The following CHAF1A variants were observed in gnomAD, a reference collection of about 807,000 sequenced individuals.
The protein encoded by CHAF1A is CAF-1 subunit A.
Under a neutral mutation model 93.2 loss-of-function variants are expected in CHAF1A, and 5 were observed. The observed-to-expected ratio is 0.05, with a 90% confidence interval of 0.03 to 0.11. The LOEUF is 0.11. Ranked by LOEUF, CHAF1A falls within the 10% of genes least tolerant of loss-of-function variation. The pLI is 1.00. For missense variants in CHAF1A, 1,102 were observed against 1,259.9 expected (o/e 0.87, Z 1.90); for synonymous variants, 504 against 510.3 (o/e 0.99, Z 0.17).
intron 7 of CHAF1A, among the ~76,000 whole-genome samples, chr19:4,424,237 C>T (rs1472528655): frequency 6.6e-6 from 1 of 152,182 alleles, no homozygotes; most frequent in East Asian, 1.9e-4. Context: ...TTTACTTTCC[C>T]TGCCTGGCGT....
chr19:4,402,668 A>C lies in CHAF1A; in HGVS notation c.-95A>C. ...ATACGAGCGCGGCGGCCGCGGCGGC[A>C]GCAGCGGCGCGGGCGGGAGGGCGAA... On this transcript the variant is annotated 5_prime_UTR_variant, in exon 1 of 15. Coordinates refer to ENST00000301280, the MANE Select transcript of CHAF1A (RefSeq NM_005483.3). 1 of 814,164 alleles carries C rather than the reference A, an allele frequency of 1.2e-6. No individual in the cohort carries two copies. The highest frequency in any genetic ancestry group is 1.6e-6 in the Non-Finnish European group (1 of 622,764). The allele number at this position is 814,164 out of a possible 1,614,324, so 50.4% of individuals were successfully genotyped here. A position where few individuals can be genotyped will look rare whatever the true frequency, so the allele number is the denominator to read the frequency against.
At chr19:4,412,530 A>G (rs1973824626) in intron 3 of CHAF1A, among the ~76,000 whole-genome samples, 2 of 152,052 alleles carry the variant, frequency 1.3e-5, no homozygotes, top group African/African-American at 2.4e-5. Flanking sequence ...GGTAACAAGA[A>G]CAAAACTCCG....
At chr19:4,437,098 A>T (rs1974298008) in intron 13 of CHAF1A, among the ~76,000 whole-genome samples, 1 of 152,194 alleles carries the variant, frequency 6.6e-6, no homozygotes, top group Admixed American at 6.5e-5. Flanking sequence ...GCTGCGTGGC[A>T]CAGGTGAGGG....
chr19:4,409,251 G>A lies in CHAF1A; in HGVS notation c.452G>A (p.Arg151Gln), dbSNP rs1022490964. Reference protein sequence around the residue: ...SPSREAINGQREDTGDQQGLL... With the variant: ...SPSREAINGQQEDTGDQQGLL... ...TCCAGGGAGGCAATAAATGGCCAGC[G>A]AGAAGACACTGGGGATCAGCAGGGG... Residue 151 changes from arginine to glutamine, a missense_variant, in exon 3 of 15, where the codon CGA (arginine) becomes CAA (glutamine). This residue lies in a region of CHAF1A where 379 missense variants were observed against 365.7 expected (regional missense o/e 1.04). Coordinates refer to ENST00000301280, the MANE Select transcript of CHAF1A (RefSeq NM_005483.3). The A allele has an allele frequency of 1.1e-5, 18 of 1,614,020 alleles. No homozygotes were observed. Among genetic ancestry groups the A allele is most frequent in the African/African-American group, 9.3e-5 (7 of 74,918 alleles).
At chr19:4,405,308 C>G (rs1685635770) in intron 1 of CHAF1A, among the ~76,000 whole-genome samples, 1 of 152,140 alleles carries the variant, frequency 6.6e-6, no homozygotes, top group Admixed American at 6.5e-5. Flanking sequence ...ATGACAGTGT[C>G]TAGGGTAGGA....
chr19:4,420,608 G>C (rs1973974559), intron 4 of CHAF1A, among the ~76,000 whole-genome samples: 1 of 152,136 alleles, frequency 6.6e-6, no homozygotes, highest in Non-Finnish European at 1.5e-5. Context: ...CCAAGTCTTT[G>C]GAATGAGGAA....
chr19:4,437,335 T>A (rs1974303243), intron 13 of CHAF1A, among the ~76,000 whole-genome samples: 1 of 152,014 alleles, frequency 6.6e-6, no homozygotes, highest in African/African-American at 2.4e-5. Flanking sequence ...TGAGCCCGGA[T>A]GGGACATGTG....
downstream of CHAF1A, chr19:4,447,737 G>T: frequency 9.2e-7 from 1 of 1,087,364 alleles, no homozygotes; most frequent in Non-Finnish European, 1.4e-6. Context: ...TCTAGTCAGA[G>T]GGAAGAAGCG....
At chr19:4,446,561 C>G, downstream of CHAF1A, 1 of 1,612,450 alleles carries the variant, frequency 6.2e-7, no homozygotes, top group African/African-American at 1.3e-5. Context: ...CCAGGCAGTT[C>G]GAACTGCGAG....
chr19:4,430,712 C>T, intron 11 of CHAF1A, 71 bp downstream of exon 11: 2 of 1,534,448 alleles, frequency 1.3e-6, no homozygotes, highest in Non-Finnish European at 1.8e-6. Context: ...AGTGGCCTGA[C>T]CTGGGAGGGT....
At chr19:4,435,006 G>A (rs1340938628) in intron 13 of CHAF1A, among the ~76,000 whole-genome samples, 1 of 151,966 alleles carries the variant, frequency 6.6e-6, no homozygotes, top group African/African-American at 2.4e-5. Flanking sequence ...GCCATAGATC[G>A]GCTTTGTTAA....
At chr19:4,434,257 G>A (rs567617960) in intron 13 of CHAF1A, among the ~76,000 whole-genome samples, 1 of 152,260 alleles carries the variant, frequency 6.6e-6, no homozygotes, top group Admixed American at 6.5e-5. Context: ...AAGGCGGGAG[G>A]ATTACTGGAG....
At chr19:4,446,467 C>T (rs753990757), downstream of CHAF1A, 19 of 1,589,156 alleles carry the variant, frequency 1.2e-5, no homozygotes, top group East Asian at 4.5e-5. Context: ...CACCCCGCCC[C>T]GCCCCACTCT....
rs192510221 is a variant in CHAF1A at position 4,429,606 on chromosome 19, G to A, written c.1773G>A (p.Thr591=). 5.3e-5 allele frequency: 86 copies of A among 1,614,058 alleles called. No individual in the cohort carries two copies. Among genetic ancestry groups the A allele is most frequent in the East Asian group, 3.8e-4 (17 of 44,874 alleles). The change falls in exon 9 of 15, where the codon ACG becomes ACA. Residue 591 remains threonine, a splice_region_variant and synonymous_variant. Transcript: ENST00000301280. ...IRARDPWAQD[T]KLLDYEVDSD... ...CGCGAGACCCCTGGGCCCAGGACAC[G>A]GTGAGCTAGCCCCAGAGTGCCTCCG...
chr19:4,413,107 CTT>C (rs973532380), intron 3 of CHAF1A, among the ~76,000 whole-genome samples: 5 of 152,100 alleles, frequency 3.3e-5, no homozygotes, highest in African/African-American at 1.2e-4. Flanking sequence ...GAATCTCACT[CTT>C]TTGCCCAGGT....
At chr19:4,440,894 C>T (rs977667813) in intron 13 of CHAF1A, among the ~76,000 whole-genome samples, 2 of 151,658 alleles carry the variant, frequency 1.3e-5, no homozygotes, top group Admixed American at 6.6e-5. Flanking sequence ...CTGACGTGGG[C>T]GAATCCTGAG....
rs773306436 is a variant in CHAF1A at position 4,409,696 on chromosome 19, G to A, written c.897G>A (p.Pro299=). The change falls in exon 3 of 15, where the codon CCG becomes CCA. Residue 299 remains proline, a synonymous_variant. Transcript: ENST00000301280. ...SPSSTSSPEG[P]PAPPKQHSST... is the part of the protein sequence containing the mutation. ...CTTCCACCAGCTCGCCCGAGGGGCC[G>A]CCTGCTCCCCCAAAGCAGCACAGCA... is the stretch of plus-strand genomic sequence containing the variant. 51 of 1,613,960 alleles carry A rather than the reference G, an allele frequency of 3.2e-5. No homozygotes were observed. Among genetic ancestry groups the A allele is most frequent in the Middle Eastern group, 3.3e-4 (2 of 6,084 alleles).
intron 3 of CHAF1A, among the ~76,000 whole-genome samples, chr19:4,414,549 G>T: frequency 6.6e-6 from 1 of 152,106 alleles, no homozygotes; most frequent in East Asian, 1.9e-4. Context: ...GTATCATTTT[G>T]TTTCCTTGTG....
downstream of CHAF1A, chr19:4,445,738 G>A (rs1974496862): frequency 3.3e-6 from 5 of 1,498,108 alleles, no homozygotes; most frequent in Non-Finnish European, 2.7e-6. Flanking sequence ...ATCTCAGCTG[G>A]TGGAGGCTGT....
Sources: allele counts gnomAD v4.1 joint callset (sites outside exome capture counted in the v4.1 genomes callset), GRCh38; gene constraint gnomAD v4.1.1; regional missense constraint gnomAD v4.1.1; transcripts MANE v1.5; gene names NCBI Gene and HGNC (gene_info 2026-07-23, HGNC 2026-07-21).